Variants in LAMA4 observed in about 807,000 individuals in gnomAD.
LAMA4 encodes the protein laminin subunit alpha-4.
Under a neutral mutation model 207.1 loss-of-function variants are expected in LAMA4, and 127 were observed. That is an observed-to-expected ratio of 0.61 (90% CI 0.53 to 0.71). The LOEUF (loss-of-function observed/expected upper bound fraction) is 0.71, where lower values mean the gene tolerates loss of function less well. LAMA4 is among the 30% of genes least tolerant of loss of function. The pLI is 0.00. For missense variants in LAMA4, 2,093 were observed against 2,246.5 expected, an observed-to-expected ratio of 0.93 and a Z score of 1.38; for synonymous variants, 761 against 816.0, an observed-to-expected ratio of 0.93 and a Z score of 1.15.
At chr6:112,126,600 C>T (rs1778705203) in intron 31 of LAMA4, among the ~76,000 whole-genome samples, 1 of 152,076 alleles carries the variant, frequency 6.6e-6, no homozygotes, top group Non-Finnish European at 1.5e-5. Flanking sequence ...AAAAGTAGTC[C>T]ACATATGCTC....
chr6:112,122,209 A>T lies in LAMA4; in HGVS notation c.4288-8T>A. On this transcript the variant is annotated splice_region_variant and splice_polypyrimidine_tract_variant and intron_variant, in intron 31 of 38. Coordinates refer to ENST00000230538, the MANE Select transcript of LAMA4 (RefSeq NM_001105206.3). ...ATCTTTACTTTTCCCTCCCTATAAA[A>T]GTAAACCAAATTAAGGGATAAAAGT... 6.2e-7 allele frequency: 1 copy of T among 1,611,894 alleles called. No individual in the cohort carries two copies. Among genetic ancestry groups the T allele is most frequent in the Non-Finnish European group, 8.5e-7 (1 of 1,178,160 alleles).
At chr6:112,114,632 G>A (rs782044862) in intron 37 of LAMA4, 31 bp downstream of exon 37, 4 of 1,413,418 alleles carry the variant, frequency 2.8e-6, no homozygotes, top group Non-Finnish European at 4.0e-6. Context: ...AGTTGGGTGT[G>A]CAGGCTCCCC....
chr6:112,110,533 C>T (rs73541481), intron 38 of LAMA4, among the ~76,000 whole-genome samples: 6,489 of 152,154 alleles, frequency 0.043, 450 homozygotes, highest in African/African-American at 0.15. Flanking sequence ...ATGGAAATAG[C>T]ATTTTATATT....
rs66967051 is a variant in LAMA4 at position 112,201,033 on chromosome 6, GAA to G, written c.503+573_503+574del. 2.3e-4 allele frequency among the ~76,000 whole-genome samples: 30 copies of G among 133,168 alleles called. No homozygotes were observed. The South Asian group carries it at 5.7e-3, about 25-fold the overall frequency. The allele number at this position is 133,168 out of a possible 152,430, so 87.4% of individuals were successfully genotyped here. A position where few individuals can be genotyped will look rare whatever the true frequency, so the allele number is the denominator to read the frequency against. ...GTATCCCAGAACTTAAAATATAATT[GAA>G]AAAAAAAAAGGAAAAAAAGAAAAGA... On this transcript the variant is annotated intron_variant, in intron 5 of 38. Transcript: ENST00000230538.
At chr6:112,111,188 C>T (rs1777671525) in intron 38 of LAMA4, among the ~76,000 whole-genome samples, 2 of 152,166 alleles carry the variant, frequency 1.3e-5, no homozygotes, top group South Asian at 4.2e-4. Flanking sequence ...GGATTACAGG[C>T]ACTCACCACC....
At chr6:112,180,027 C>T (rs1196949289) in intron 9 of LAMA4, 5 of 434,552 alleles carry the variant, frequency 1.2e-5, no homozygotes, top group African/African-American at 2.1e-5. Context: ...TATTACTCCT[C>T]CCTGCTTTTA....
At chr6:112,170,201 G>C (rs1253519270) in intron 12 of LAMA4, among the ~76,000 whole-genome samples, 1 of 152,232 alleles carries the variant, frequency 6.6e-6, no homozygotes, top group Non-Finnish European at 1.5e-5. Context: ...ATTATCGGTA[G>C]TATTAATAAT....
chr6:112,131,417 C>T (rs782810891), intron 28 of LAMA4, among the ~76,000 whole-genome samples: 1 of 152,034 alleles, frequency 6.6e-6, no homozygotes, highest in Admixed American at 6.6e-5. Context: ...TTAATCCCTT[C>T]GAATAGATGA....
chr6:112,121,343 T>A (rs1778345122), intron 32 of LAMA4, among the ~76,000 whole-genome samples: 1 of 152,248 alleles, frequency 6.6e-6, no homozygotes, highest in Non-Finnish European at 1.5e-5. Flanking sequence ...CTAGTTTGAT[T>A]AACTCTAAAT....
chr6:112,198,180 CT>C (rs1554351084), intron 5 of LAMA4, among the ~76,000 whole-genome samples: 1 of 152,082 alleles, frequency 6.6e-6, no homozygotes, highest in Non-Finnish European at 1.5e-5. Context: ...GGCCTCAGCC[CT>C]GGATATTCTT....
At chr6:112,246,831 T>G (rs1287605624) in intron 2 of LAMA4, among the ~76,000 whole-genome samples, 1 of 152,234 alleles carries the variant, frequency 6.6e-6, no homozygotes, top group African/African-American at 2.4e-5. Context: ...CTGTTGGCTT[T>G]TTTCTTTAGC....
At chr6:112,141,928 A>G (rs1779722399) in intron 20 of LAMA4, among the ~76,000 whole-genome samples, 191 bp downstream of exon 20, 1 of 152,206 alleles carries the variant, frequency 6.6e-6, no homozygotes, top group Admixed American at 6.5e-5. Flanking sequence ...CAATCCCCAC[A>G]ATATCCCACA....
At chr6:112,165,572 C>T (rs1242892979) in intron 12 of LAMA4, among the ~76,000 whole-genome samples, 2 of 152,094 alleles carry the variant, frequency 1.3e-5, no homozygotes, top group African/African-American at 4.8e-5. Context: ...TCTCTTTTTC[C>T]CAGAATATAA....
intron 4 of LAMA4, among the ~76,000 whole-genome samples, chr6:112,202,636 G>A (rs1252123644): frequency 1.3e-5 from 2 of 152,044 alleles, no homozygotes; most frequent in African/African-American, 4.8e-5. Flanking sequence ...TAAAAAATCA[G>A]TCAGAAAACA....
intron 19 of LAMA4, among the ~76,000 whole-genome samples, chr6:112,143,285 T>C (rs1366389572): frequency 1.4e-5 from 1 of 71,092 alleles, no homozygotes; most frequent in Non-Finnish European, 2.7e-5. Flanking sequence ...AAACTAATAC[T>C]TTTTTTTTTT....
At chr6:112,159,010 G>A (rs782171375) in intron 13 of LAMA4, 130 bp from the exon 14 acceptor site, 39 of 681,834 alleles carry the variant, frequency 5.7e-5, no homozygotes, top group Non-Finnish European at 9.5e-5. Context: ...GACCACATAA[G>A]TCTAAAATAC....
chr6:112,168,440 G>T lies in LAMA4; in HGVS notation c.1552-3164C>A, dbSNP rs140407655. Among the ~76,000 whole-genome samples the T allele has an allele frequency of 4.3e-4, 64 of 148,820 alleles. 1 individual carries two copies. The East Asian group carries it at 9.8e-3, about 23-fold the overall frequency. On this transcript the variant is annotated intron_variant, in intron 12 of 38. Coordinates refer to ENST00000230538, the MANE Select transcript of LAMA4 (RefSeq NM_001105206.3). Reference sequence around the variant, plus strand: ...AGCTCACTGCAACCGCTGCCTCCCGGACTCAAGCAATTCTCCTGTCTCAGC... The same window carrying T: ...AGCTCACTGCAACCGCTGCCTCCCGTACTCAAGCAATTCTCCTGTCTCAGC...
Position 112,134,483 on chromosome 6 carries a change from C to T in LAMA4, c.3541G>A (p.Glu1181Lys), listed in dbSNP as rs958899040. The change falls in exon 26 of 39, where the codon GAA (glutamate) becomes AAA (lysine). Residue 1181 changes from glutamate (E) to lysine (K), a missense_variant. Transcript: ENST00000230538. ...TDIYIGGAPP[E>K]ILQSRALRAH... ...AAGCCTTACCTGGATTGTAAGATTT[C>T]TGGAGGAGCTCCTCCAATGTATATA... is the stretch of plus-strand genomic sequence containing the variant. 1.2e-6 allele frequency: 2 copies of T among 1,613,484 alleles called. No individual in the cohort carries two copies. The highest frequency in any genetic ancestry group is 1.7e-6 in the Non-Finnish European group (2 of 1,179,588).
intron 5 of LAMA4, among the ~76,000 whole-genome samples, chr6:112,199,865 G>T (rs1783633081): frequency 6.7e-6 from 1 of 149,814 alleles, no homozygotes; most frequent in African/African-American, 2.5e-5. Context: ...TACATTTTAA[G>T]CCCCAGGTTG....
Sources: gnomAD v4.1 joint callset for allele counts (sites outside exome capture counted in the v4.1 genomes callset) on GRCh38, gnomAD v4.1.1 for gene constraint, MANE v1.5 for transcripts, NCBI Gene and HGNC (gene_info 2026-07-23, HGNC 2026-07-21) for gene names.